The following NDNF variants were observed in gnomAD, a reference collection of about 807,000 sequenced individuals.
The protein encoded by NDNF is neuron derived neurotrophic factor.
NDNF carries 16 observed loss-of-function variants against 42.0 expected under a neutral mutation model. The observed-to-expected ratio is 0.38, with a 90% CI of 0.26 to 0.58. The LOEUF (loss-of-function observed/expected upper bound fraction) is 0.58. NDNF is among the 20% of genes least tolerant of loss of function. The pLI is 0.67. For missense variants in NDNF, 616 were observed against 666.2 expected, an observed-to-expected ratio of 0.92 and a Z score of 0.83; for synonymous variants, 248 against 251.7, an observed-to-expected ratio of 0.99 and a Z score of 0.14.
At chr4:121,068,882 T>C (rs2148773719) in intron 1 of NDNF, among the ~76,000 whole-genome samples, 1 of 152,324 alleles carries the variant, frequency 6.6e-6, no homozygotes, top group South Asian at 2.1e-4. Context: ...ATTTCCAATA[T>C]CTGCTCATCC....
At position 121,037,560 on chromosome 4, in the gene NDNF, T is replaced by C. The variant is rs1726021688; in HGVS notation, c.411A>G (p.Ile137Met). Residue 137 changes from isoleucine (I) to methionine (M), a missense_variant, in exon 4 of 4, where the codon ATA becomes ATG. Physicochemically the swap from Ile to Met is conservative, Grantham distance 10 (BLOSUM62 1). Transcript: ENST00000379692. ...ATAAACCGGATGGGGAACTAGACGA[T>C]ATAAAATACTCAACATCATTGCCTT... ...SYKGNDVEYF[I>M]SSSSPSGLYQ... is the part of the protein sequence containing the mutation. 3 of 1,613,810 alleles carry C rather than the reference T, an allele frequency of 1.9e-6. No individual in the cohort carries two copies. The highest frequency in any genetic ancestry group is 2.5e-6 in the Non-Finnish European group (3 of 1,179,900).
chr4:121,051,512 G>A (rs1461914222), intron 1 of NDNF, among the ~76,000 whole-genome samples: 2 of 152,102 alleles, frequency 1.3e-5, no homozygotes, highest in Non-Finnish European at 2.9e-5. Context: ...AAAATTTAAA[G>A]GGAGTTTGAG....
At chr4:121,055,304 T>G (rs974070706) in intron 1 of NDNF, among the ~76,000 whole-genome samples, 1 of 152,022 alleles carries the variant, frequency 6.6e-6, no homozygotes, top group Non-Finnish European at 1.5e-5. Flanking sequence ...GAGATGGTGG[T>G]TTTTTCAGCT....
chr4:121,060,531 T>G (rs1727386809), intron 1 of NDNF, among the ~76,000 whole-genome samples: 2 of 152,068 alleles, frequency 1.3e-5, no homozygotes, highest in Admixed American at 1.3e-4. Context: ...CAGTTTGTGT[T>G]TAACACAAAG....
intron 1 of NDNF, among the ~76,000 whole-genome samples, chr4:121,055,068 G>A (rs1402844962): frequency 3.3e-5 from 5 of 151,962 alleles, no homozygotes; most frequent in Admixed American, 2.0e-4. Flanking sequence ...CCCTGGGCTC[G>A]GGTGATCCTT....
chr4:121,054,640 A>T (rs575928959), intron 1 of NDNF, among the ~76,000 whole-genome samples: 2 of 152,372 alleles, frequency 1.3e-5, no homozygotes, highest in East Asian at 3.9e-4. Context: ...GAGAAAAAGC[A>T]TTCTGGGCAG....
Position 121,036,413 on chromosome 4 carries a change from T to G in NDNF, c.1558A>C (p.Ser520Arg), listed in dbSNP as rs143169450. The G allele has an allele frequency of 5.6e-6, 9 of 1,614,080 alleles. No homozygotes were observed. Among genetic ancestry groups the G allele is most frequent in the Non-Finnish European group, 7.6e-6 (9 of 1,180,038 alleles). Reference sequence around the variant, plus strand: ...GTCACTGCTTTCTGCAGGTTTTGACTGTGGAAATATTTACAGAGGACCTTT... The same window carrying G: ...GTCACTGCTTTCTGCAGGTTTTGACGGTGGAAATATTTACAGAGGACCTTT... ...SEKVLCKYFH[S>R]QNLQKAVTTE... The change falls in exon 4 of 4, where the codon AGT becomes CGT. Residue 520 changes from serine to arginine, a missense_variant. Coordinates refer to ENST00000379692, the MANE Select transcript of NDNF (RefSeq NM_024574.4).
chr4:121,065,692 T>G (rs1356970117), intron 1 of NDNF, among the ~76,000 whole-genome samples: 2 of 150,112 alleles, frequency 1.3e-5, no homozygotes, highest in Non-Finnish European at 3.0e-5. Flanking sequence ...CTATTTATAT[T>G]CACTTTTATG....
intron 1 of NDNF, among the ~76,000 whole-genome samples, chr4:121,067,353 C>T (rs1481336776): frequency 6.6e-6 from 1 of 151,986 alleles, no homozygotes; most frequent in Non-Finnish European, 1.5e-5. Flanking sequence ...AAAATAAATA[C>T]TTCAGAGAAA....
At chr4:121,045,072 G>A (rs1357923125) in intron 2 of NDNF, among the ~76,000 whole-genome samples, 1 of 152,170 alleles carries the variant, frequency 6.6e-6, no homozygotes, top group Non-Finnish European at 1.5e-5. Flanking sequence ...CTGTACTGAG[G>A]CCGGGCGCAG....
chr4:121,060,070 A>G (rs1727376268), intron 1 of NDNF, among the ~76,000 whole-genome samples: 2 of 152,174 alleles, frequency 1.3e-5, no homozygotes, highest in Non-Finnish European at 2.9e-5. Flanking sequence ...TTAAACCTCT[A>G]TTTAGGGAGA....
intron 1 of NDNF, among the ~76,000 whole-genome samples, chr4:121,049,846 A>G (rs1229872145): frequency 6.6e-6 from 1 of 152,236 alleles, no homozygotes; most frequent in Non-Finnish European, 1.5e-5. Flanking sequence ...TGCTATGCCA[A>G]TTATGGGCAA....
intron 1 of NDNF, among the ~76,000 whole-genome samples, chr4:121,063,687 A>T (rs1727452661): frequency 6.6e-6 from 1 of 152,044 alleles, no homozygotes; most frequent in Non-Finnish European, 1.5e-5. Flanking sequence ...GCAAATGGTG[A>T]TTGGGGGTGT....
At position 121,037,451 on chromosome 4, in the gene NDNF, G is replaced by A; in HGVS notation, c.520C>T (p.Pro174Ser). Residue 174 changes from proline to serine, a missense_variant, in exon 4 of 4, where the codon CCT becomes TCT. Transcript: ENST00000379692. ...TTTPESDQPYPELPYDPRVDV... is the reference protein window; with the variant it reads ...TTTPESDQPYSELPYDPRVDV... Reference sequence around the variant, plus strand: ...ACTCTTGGGTCATAGGGTAACTCAGGGTATGGCTGATCAGATTCTGGAGTT... The same window carrying A: ...ACTCTTGGGTCATAGGGTAACTCAGAGTATGGCTGATCAGATTCTGGAGTT... The A allele has an allele frequency of 6.2e-7, 1 of 1,614,088 alleles. No individual in the cohort carries two copies. Among genetic ancestry groups the A allele is most frequent in the Non-Finnish European group, 8.5e-7 (1 of 1,180,018 alleles).
At chr4:121,061,926 A>G (rs1450542671) in intron 1 of NDNF, among the ~76,000 whole-genome samples, 1 of 152,200 alleles carries the variant, frequency 6.6e-6, no homozygotes, top group Admixed American at 6.5e-5. Flanking sequence ...CAAAATGGAG[A>G]CAATTATTCC....
At chr4:121,043,313 G>A (rs900129111) in intron 2 of NDNF, among the ~76,000 whole-genome samples, 2 of 152,122 alleles carry the variant, frequency 1.3e-5, no homozygotes, top group African/African-American at 4.8e-5. Context: ...ATTTACTGCT[G>A]TGCAACTTTA....
chr4:121,056,469 C>T (rs1300256204), intron 1 of NDNF, among the ~76,000 whole-genome samples: 1 of 152,176 alleles, frequency 6.6e-6, no homozygotes, highest in Non-Finnish European at 1.5e-5. Context: ...ACTGATGGAT[C>T]AAATCGAACC....
At chr4:121,049,774 C>T (rs886458051) in intron 1 of NDNF, among the ~76,000 whole-genome samples, 3 of 152,136 alleles carry the variant, frequency 2.0e-5, no homozygotes, top group Non-Finnish European at 4.4e-5. Flanking sequence ...CATCATATTT[C>T]CCAAACTAAA....
intron 2 of NDNF, among the ~76,000 whole-genome samples, chr4:121,042,528 T>G (rs1002782654): frequency 1.3e-5 from 2 of 152,238 alleles, no homozygotes; most frequent in Non-Finnish European, 2.9e-5. Context: ...AATTGTTTAC[T>G]GTATGTGAAG....
Sources: allele counts gnomAD v4.1 joint callset (sites outside exome capture counted in the v4.1 genomes callset), GRCh38; gene constraint gnomAD v4.1.1; transcripts MANE v1.5; gene names NCBI Gene and HGNC (gene_info 2026-07-23, HGNC 2026-07-21).